MROH1: variants seen among roughly 807,000 people sequenced by gnomAD.
The protein encoded by MROH1 is maestro heat-like repeat-containing protein family member 1.
Under a neutral mutation model 116.5 loss-of-function variants are expected in MROH1, and 117 were observed. The observed-to-expected ratio is 1.00, with a 90% CI of 0.86 to 1.17. The LOEUF is 1.17. Among genes scored for constraint, MROH1 ranks in the 50% most tolerant of loss-of-function variants. The probability of loss-of-function intolerance (pLI) is 0.00; values close to 1 mark genes in which losing one functional copy is unlikely to be tolerated. For missense variants in MROH1, 1,873 were observed against 1,338.5 expected, an observed-to-expected ratio of 1.40 and a Z score of -6.23; for synonymous variants, 921 against 583.9, an observed-to-expected ratio of 1.58 and a Z score of -8.32.
At chr8:144,168,055 C>G (rs144739411) in intron 3 of MROH1, among the ~76,000 whole-genome samples, 1 of 152,170 alleles carries the variant, frequency 6.6e-6, no homozygotes, top group Non-Finnish European at 1.5e-5. Context: ...CAGGCAGCTC[C>G]TCAGGGGCAG....
chr8:144,154,900 C>T lies in MROH1; in HGVS notation c.-176-6070C>T, dbSNP rs905341990. 6.0e-4 allele frequency among the ~76,000 whole-genome samples: 91 copies of T among 152,110 alleles called. 1 individual carries two copies. The highest frequency in any genetic ancestry group is 2.0e-3 in the African/African-American group (84 of 41,470). On this transcript the variant is annotated intron_variant, in intron 1 of 43. Transcript: ENST00000326134. ...GTGGTGCAATCTCAGCTCACTGCAACCTCTGCCTCCTGGGTTCAAGCAATT... is the reference window on the plus strand; with the variant it reads ...GTGGTGCAATCTCAGCTCACTGCAATCTCTGCCTCCTGGGTTCAAGCAATT...
intron 10 of MROH1, chr8:144,193,264 G>C (rs994125506): frequency 6.6e-6 from 1 of 152,282 alleles, no homozygotes; most frequent in African/African-American, 2.4e-5. Flanking sequence ...TGTCAACATT[G>C]GTACGAAAAG....
chr8:144,237,442 C>G (rs1840246406), intron 14 of MROH1, among the ~76,000 whole-genome samples: 1 of 152,226 alleles, frequency 6.6e-6, no homozygotes, highest in African/African-American at 2.4e-5. Context: ...CTCTGCGGAC[C>G]CTTCCATGAG....
intron 7 of MROH1, among the ~76,000 whole-genome samples, chr8:144,187,914 G>T (rs1827599736): frequency 6.6e-6 from 1 of 152,156 alleles, no homozygotes; most frequent in South Asian, 2.1e-4. Context: ...GGTGTAGGAA[G>T]CACAGAGCAT....
intron 29 of MROH1, among the ~76,000 whole-genome samples, chr8:144,245,888 T>C (rs1841798072): frequency 6.6e-6 from 1 of 152,164 alleles, no homozygotes; most frequent in Non-Finnish European, 1.5e-5. Flanking sequence ...CTTGAACTCT[T>C]GGGCTCAAGT....
chr8:144,210,712 A>C (rs936152572), intron 12 of MROH1, among the ~76,000 whole-genome samples: 95 of 152,142 alleles, frequency 6.2e-4, no homozygotes, highest in African/African-American at 2.1e-3. Flanking sequence ...ATCTCTCTAT[A>C]TATATATACA....
chr8:144,188,018 T>C (rs1376494288), intron 7 of MROH1, among the ~76,000 whole-genome samples: 1 of 152,112 alleles, frequency 6.6e-6, no homozygotes, highest in Non-Finnish European at 1.5e-5. Flanking sequence ...TGTGAAACAG[T>C]TGCCCAAGCA....
rs187666396 is a variant in MROH1 at position 144,216,257 on chromosome 8, G to A, written c.1142-4343G>A. Reference sequence around the variant, plus strand: ...TTGGAGGCTGAGGTGGGCAGATCACGAGGTCAGGAGAGCGAGACCATCCTG... The same window carrying A: ...TTGGAGGCTGAGGTGGGCAGATCACAAGGTCAGGAGAGCGAGACCATCCTG... On this transcript the variant is annotated intron_variant, in intron 12 of 43. Transcript: ENST00000326134. Among the ~76,000 whole-genome samples, 257 of 151,856 alleles carry A rather than the reference G, an allele frequency of 1.7e-3. 1 individual carries two copies. Among genetic ancestry groups the A allele is most frequent in the African/African-American group, 5.9e-3 (246 of 41,358 alleles).
chr8:144,148,620 G>A (rs1212428580), intron 1 of MROH1: 3 of 152,728 alleles, frequency 2.0e-5, no homozygotes, highest in Admixed American at 1.3e-4. Flanking sequence ...CGAGCAGGAA[G>A]GTGATTTGTC....
chr8:144,195,195 TAAAAAAAAAAAA>T (rs561902621), intron 10 of MROH1, among the ~76,000 whole-genome samples: 1 of 11,682 alleles, frequency 8.6e-5, no homozygotes, highest in Admixed American at 2.3e-3. Context: ...ACTGTGTCTT[TAAAAAAAAAAAA>T]AAAAAAAAAA....
intron 24 of MROH1, 61 bp downstream of exon 24, chr8:144,242,689 G>A (rs1418852879): frequency 1.9e-5 from 14 of 755,254 alleles, no homozygotes; most frequent in Middle Eastern, 2.7e-4. Flanking sequence ...TCCTCTGGGC[G>A]GGTTGAGCTT....
rs1844682087 is a variant in MROH1, at chr8:144,259,922, C to T, written c.4056C>T (p.Ser1352=). The stretch of plus-strand genomic sequence containing the variant: ...ACCTCTGCCTGCAGCTGCTGAACAG[C>T]AACGTGGCCAACGACCTCATGCTCT... The part of the protein sequence containing the change: ...TTAFLAELLN[S]NVANDLMLLD... The change falls in exon 38 of 44, where the codon AGC becomes AGT. Residue 1352 remains serine (S), a synonymous_variant. Coordinates refer to ENST00000326134, the MANE Select transcript of MROH1 (RefSeq NM_032450.3). 2.7e-6 allele frequency: 2 copies of T among 738,884 alleles called. No individual in the cohort carries two copies. Among genetic ancestry groups the T allele is most frequent in the East Asian group, 2.6e-5 (1 of 38,752 alleles). The allele number at this position is 738,884 out of a possible 1,614,324, so 45.8% of individuals were successfully genotyped here.
intron 7 of MROH1, among the ~76,000 whole-genome samples, chr8:144,181,862 C>A (rs1015042044): frequency 1.2e-4 from 18 of 152,308 alleles, no homozygotes; most frequent in Admixed American, 1.1e-3. Flanking sequence ...TGGGAAGTGG[C>A]CTGATCCCTG....
chr8:144,195,195 TAAAAA>T lies in MROH1; in HGVS notation c.948+2814_948+2818del, dbSNP rs561902621. 8.6e-3 allele frequency among the ~76,000 whole-genome samples: 101 copies of T among 11,686 alleles called. 7 individuals carry two copies. Among genetic ancestry groups the T allele is most frequent in the East Asian group, 0.034 (4 of 118 alleles). The allele number at this position is 11,686 out of a possible 152,430, so 7.7% of individuals were successfully genotyped here. On this transcript the variant is annotated intron_variant, in intron 10 of 43. Coordinates refer to ENST00000326134, the MANE Select transcript of MROH1 (RefSeq NM_032450.3). ...GGGTGACAGTGCGAGACTGTGTCTT[TAAAAA>T]AAAAAAAAAAAAAAAAAAAGGCCGA...
intron 8 of MROH1, 125 bp downstream of exon 8, chr8:144,191,060 G>GA: frequency 1.9e-6 from 2 of 1,038,858 alleles, no homozygotes; most frequent in Non-Finnish European, 2.7e-6. Context: ...TGCCCAATGG[G>GA]AGGTGGCTCA....
At chr8:144,198,249 G>A (rs186378153) in intron 10 of MROH1, among the ~76,000 whole-genome samples, 52 of 152,178 alleles carry the variant, frequency 3.4e-4, no homozygotes, top group African/African-American at 1.2e-3. Flanking sequence ...CTGAAGAATT[G>A]CTTTGGAGCT....
chr8:144,209,027 T>TTGTGTGTGTG lies in MROH1; in HGVS notation c.1141+8524_1141+8533dup, dbSNP rs71320812. 4.0e-3 allele frequency among the ~76,000 whole-genome samples: 566 copies of TTGTGTGTGTG among 141,712 alleles called. 4 individuals carry two copies. Among genetic ancestry groups the TTGTGTGTGTG allele is most frequent in the African/African-American group, 0.015 (538 of 36,852 alleles). The allele number at this position is 141,712 out of a possible 152,430, so 93.0% of individuals were successfully genotyped here. On this transcript the variant is annotated intron_variant, in intron 12 of 43. Coordinates refer to ENST00000326134, the MANE Select transcript of MROH1 (RefSeq NM_032450.3). ...GCATGAGCCAATGCACTCGGCCATT[T>TTGTGTGTGTG]TGTGTGTGTGTGTGTGTGTGTGTGT...
chr8:144,168,666 C>G (rs1294945473), intron 4 of MROH1, among the ~76,000 whole-genome samples: 1 of 152,198 alleles, frequency 6.6e-6, no homozygotes, highest in African/African-American at 2.4e-5. Context: ...CTGTTCAACC[C>G]TCCTGGTCGA....
At chr8:144,220,712 C>T in intron 13 of MROH1, 39 bp downstream of exon 13, 1 of 1,531,540 alleles carries the variant, frequency 6.5e-7, no homozygotes, top group Non-Finnish European at 8.9e-7. Context: ...ACCACCACAC[C>T]ACAGGCAGCT....
Sources: allele counts gnomAD v4.1 joint callset (sites outside exome capture counted in the v4.1 genomes callset), GRCh38; gene constraint gnomAD v4.1.1; transcripts MANE v1.5; gene names NCBI Gene and HGNC (gene_info 2026-07-23, HGNC 2026-07-21).